The following SUDS3 variants were observed in gnomAD, a reference collection of about 807,000 sequenced individuals.
SUDS3 encodes the protein sin3 histone deacetylase corepressor complex component SDS3.
In SUDS3, 23 loss-of-function variants were observed where a neutral mutation model predicts 53.5. The observed-to-expected ratio is 0.43, with a 90% confidence interval of 0.31 to 0.61. The LOEUF is 0.61. SUDS3 is among the 20% of genes least tolerant of loss of function. The probability of loss-of-function intolerance (pLI) is 0.10; values close to 1 mark genes in which losing one functional copy is unlikely to be tolerated. For synonymous variants in SUDS3, 150 were observed against 148.5 expected (o/e 1.01, Z -0.08); for missense variants, 291 against 405.9 (o/e 0.72, Z 2.43).
chr12:118,381,953 C>T (rs1241889060), intron 2 of SUDS3, among the ~76,000 whole-genome samples: 2 of 152,216 alleles, frequency 1.3e-5, no homozygotes, highest in African/African-American at 4.8e-5. Flanking sequence ...TGTTTTGTGG[C>T]CATCCTCTGG....
In SUDS3 at chr12:118,415,632, C is replaced by A. The variant is rs1017064886; in HGVS notation, c.*1199C>A. The A allele has an allele frequency of 1.5e-4, 23 of 152,152 alleles. No homozygotes were observed. Among genetic ancestry groups the A allele is most frequent in the Admixed American group, 1.4e-3 (21 of 15,294 alleles). The allele number at this position is 152,152 out of a possible 1,614,324, so 9.4% of individuals were successfully genotyped here. The stretch of plus-strand genomic sequence containing the variant: ...ACTCATGTTGCCATCTTGAGATGTT[C>A]AAAAAATTTGGGGTTAGAGCAACTG... On this transcript the variant is annotated 3_prime_UTR_variant, in exon 12 of 12. Coordinates refer to ENST00000543473, the MANE Select transcript of SUDS3 (RefSeq NM_022491.3).
In SUDS3 at chr12:118,403,373, T is replaced by C. The variant is rs376158953; in HGVS notation, c.698-39T>C. ...GTTAACTGGTAGACTCGCATGTGTT[T>C]GTTACATTCTTAGTCACGTAAGTAT... On this transcript the variant is annotated intron_variant, in intron 9 of 11. Coordinates refer to ENST00000543473, the MANE Select transcript of SUDS3 (RefSeq NM_022491.3). 2.1e-5 allele frequency: 31 copies of C among 1,493,630 alleles called. No individual in the cohort carries two copies. The African/African-American group carries it at 4.0e-4, about 19-fold the overall frequency. The allele number at this position is 1,493,630 out of a possible 1,614,324, so 92.5% of individuals were successfully genotyped here.
In SUDS3 at chr12:118,414,801, A is replaced by G. The variant is rs2141398605; in HGVS notation, c.*368A>G. ...TTGATTATCTTTAAGTCTCTCTACC[A>G]TGGAGAAGAGCAGGAAGGGATACAC... On this transcript the variant is annotated 3_prime_UTR_variant, in exon 12 of 12. Coordinates refer to ENST00000543473, the MANE Select transcript of SUDS3 (RefSeq NM_022491.3). 6.0e-6 allele frequency: 1 copy of G among 166,166 alleles called. No homozygotes were observed. Among genetic ancestry groups the G allele is most frequent in the South Asian group, 1.6e-4 (1 of 6,134 alleles). 10.3% of individuals were successfully genotyped at this position (166,166 alleles called of 1,614,324 possible). A position where few individuals can be genotyped will look rare whatever the true frequency, so the allele number is the denominator to read the frequency against.
At chr12:118,413,366 G>C (rs945606376) in intron 11 of SUDS3, among the ~76,000 whole-genome samples, 6 of 152,224 alleles carry the variant, frequency 3.9e-5, no homozygotes, top group African/African-American at 1.4e-4. Context: ...AGAAGCCAGA[G>C]ACTGCTTTAG....
At chr12:118,413,420 G>A (rs529609881) in intron 11 of SUDS3, among the ~76,000 whole-genome samples, 5 of 152,200 alleles carry the variant, frequency 3.3e-5, no homozygotes, top group Non-Finnish European at 7.3e-5. Context: ...CAGAATTCAC[G>A]TCGTGATAAG....
chr12:118,383,236 T>A (rs1252046537), intron 2 of SUDS3, among the ~76,000 whole-genome samples: 2 of 152,224 alleles, frequency 1.3e-5, no homozygotes, highest in Non-Finnish European at 2.9e-5. Flanking sequence ...TTGGACAGTG[T>A]TCTTTCAGAT....
At chr12:118,390,032 A>G in intron 5 of SUDS3, 86 bp downstream of exon 5, 3 of 1,524,784 alleles carry the variant, frequency 2.0e-6, no homozygotes, top group Non-Finnish European at 2.7e-6. Flanking sequence ...TCCTTCTATC[A>G]CCAAGTAGAT....
intron 3 of SUDS3, among the ~76,000 whole-genome samples, chr12:118,385,012 G>T (rs775499531): frequency 1.3e-5 from 2 of 152,216 alleles, no homozygotes; most frequent in African/African-American, 4.8e-5. Flanking sequence ...TAGCACAGCA[G>T]TGTGCACACT....
intron 10 of SUDS3, among the ~76,000 whole-genome samples, chr12:118,408,360 G>A (rs1335246747): frequency 6.8e-6 from 1 of 147,196 alleles, no homozygotes; most frequent in Non-Finnish European, 1.5e-5. Flanking sequence ...TTGAGACAGA[G>A]TCTCGTTCTT....
chr12:118,401,640 G>C (rs1199738048), intron 7 of SUDS3, 119 bp from the exon 8 acceptor site: 2 of 865,764 alleles, frequency 2.3e-6, no homozygotes, highest in Non-Finnish European at 3.8e-6. Context: ...AACTGTTACT[G>C]TAGAAACATC....
intron 6 of SUDS3, among the ~76,000 whole-genome samples, chr12:118,397,949 T>C (rs879382601): frequency 1.3e-5 from 2 of 152,192 alleles, no homozygotes; most frequent in African/African-American, 4.8e-5. Context: ...TCATGGGCTA[T>C]GTGCTTTTCC....
intron 4 of SUDS3, among the ~76,000 whole-genome samples, chr12:118,389,642 A>G (rs144986556): frequency 2.0e-5 from 3 of 151,876 alleles, no homozygotes; most frequent in South Asian, 2.1e-4. Context: ...CAGCCTCTCG[A>G]GTAGTTGGGA....
At chr12:118,397,831 C>T (rs1412834904) in intron 6 of SUDS3, among the ~76,000 whole-genome samples, 2 of 151,944 alleles carry the variant, frequency 1.3e-5, no homozygotes, top group African/African-American at 4.8e-5. Flanking sequence ...CTTTACTTGG[C>T]TTACATCCAT....
chr12:118,379,579 G>A (rs1056162831), intron 1 of SUDS3, among the ~76,000 whole-genome samples: 1 of 152,216 alleles, frequency 6.6e-6, no homozygotes, highest in Non-Finnish European at 1.5e-5. Context: ...AGGGACAACC[G>A]TGTATCCTGA....
intron 6 of SUDS3, among the ~76,000 whole-genome samples, chr12:118,394,090 G>T (rs2046192826): frequency 6.6e-6 from 1 of 152,164 alleles, no homozygotes; most frequent in Non-Finnish European, 1.5e-5. Flanking sequence ...CTTACACTGA[G>T]CCAAGCATTA....
chr12:118,401,920 G>A, intron 8 of SUDS3, 63 bp from the exon 9 acceptor site: 1 of 1,604,302 alleles, frequency 6.2e-7, no homozygotes. Context: ...TGATACCTTT[G>A]ACACCTGAAG....
chr12:118,376,965 G>A (rs936171721), intron 1 of SUDS3, 132 bp downstream of exon 1: 2 of 1,209,792 alleles, frequency 1.7e-6, no homozygotes, highest in Non-Finnish European at 2.2e-6. Context: ...CGGGAGTTGC[G>A]GGGCTCGGGG....
At chr12:118,386,074 A>T in intron 3 of SUDS3, 40 bp from the exon 4 acceptor site, 1 of 1,468,604 alleles carries the variant, frequency 6.8e-7, no homozygotes, top group Non-Finnish European at 9.3e-7. Flanking sequence ...GAGCAGATTT[A>T]TATTCACAAT....
At position 118,415,803 on chromosome 12, in the gene SUDS3, T is replaced by G. The variant is rs2046395492; in HGVS notation, c.*1370T>G. On this transcript the variant is annotated 3_prime_UTR_variant, in exon 12 of 12. Transcript: ENST00000543473. The stretch of plus-strand genomic sequence containing the variant: ...CAAGTTGGGGGGACTGTGATGACAA[T>G]TAAATCACCTTCTCTGAAGTTCTGG... 6.6e-6 allele frequency: 1 copy of G among 152,152 alleles called. No individual in the cohort carries two copies. The highest frequency in any genetic ancestry group is 2.1e-4 in the South Asian group (1 of 4,830). 9.4% of individuals were successfully genotyped at this position (152,152 alleles called of 1,614,324 possible). A position where few individuals can be genotyped will look rare whatever the true frequency, so the allele number is the denominator to read the frequency against.
Sources: allele counts gnomAD v4.1 joint callset (sites outside exome capture counted in the v4.1 genomes callset), GRCh38; gene constraint gnomAD v4.1.1; transcripts MANE v1.5; gene names NCBI Gene and HGNC (gene_info 2026-07-23, HGNC 2026-07-21).